DMD: variants seen among roughly 807,000 people sequenced by gnomAD.
The protein encoded by DMD is dystrophin, also known as mutant dystrophin.
Under a neutral mutation model 330.1 loss-of-function variants are expected in DMD, and 63 were observed. The observed-to-expected ratio is 0.19, with a 90% CI of 0.16 to 0.24. The LOEUF (loss-of-function observed/expected upper bound fraction) is 0.24, where lower values mean the gene tolerates loss of function less well. Among genes scored for constraint, DMD ranks in the 10% least tolerant of loss-of-function variants. The pLI is 1.00. For missense variants in DMD, 3,344 were observed against 2,684.1 expected (o/e 1.25, Z -5.43); for synonymous variants, 1,223 against 959.8 (o/e 1.27, Z -5.07).
intron 30 of DMD, among the ~76,000 whole-genome samples, chrX:32,400,199 G>A (rs1007315312): frequency 9.0e-6 from 1 of 111,687 alleles, no homozygotes; most frequent in Admixed American, 9.5e-5. Context: ...GGCTTTTTCT[G>A]CATCTATTGA....
chrX:31,751,033 G>T (rs1257238593), intron 51 of DMD, among the ~76,000 whole-genome samples: 4 of 108,854 alleles, frequency 3.7e-5, no homozygotes, highest in Non-Finnish European at 7.6e-5. Flanking sequence ...CGTGCTCATG[G>T]GTAGGAAGAA....
chrX:32,625,256 A>C (rs1179057684), intron 11 of DMD, among the ~76,000 whole-genome samples: 1 of 112,410 alleles, frequency 8.9e-6, no homozygotes, highest in African/African-American at 3.2e-5. Context: ...TAAATATTCT[A>C]TGTGTGCACT....
intron 55 of DMD, among the ~76,000 whole-genome samples, chrX:31,522,659 T>C (rs1051385118): frequency 8.2e-5 from 9 of 109,296 alleles, no homozygotes; most frequent in Admixed American, 2.0e-4. Context: ...GGATAACATA[T>C]AGGGAGGCAA....
intron 2 of DMD, among the ~76,000 whole-genome samples, chrX:32,986,852 A>G (rs73621848): frequency 0.029 from 3,304 of 112,503 alleles, 119 homozygotes; most frequent in African/African-American, 0.099. Flanking sequence ...AAGTGTGCTC[A>G]TCCCTTTAAG....
chrX:32,190,213 G>A (rs995600263), intron 44 of DMD, among the ~76,000 whole-genome samples: 2 of 110,776 alleles, frequency 1.8e-5, no homozygotes, highest in African/African-American at 6.6e-5. Flanking sequence ...GGCTCAAAAC[G>A]TCAGAGATTG....
rs745938594 is a variant in DMD at position 31,199,895 on chromosome X, G to C, written c.9807+4066C>G. ...CTGAAGGTCCTATACTTCAAACAAAGGGCAGAGGACATTTTCACTCCTGTT... is the reference window on the plus strand; with the variant it reads ...CTGAAGGTCCTATACTTCAAACAAACGGCAGAGGACATTTTCACTCCTGTT... On this transcript the variant is annotated intron_variant, in intron 67 of 78. Coordinates refer to ENST00000357033, the MANE Select transcript of DMD (RefSeq NM_004006.3). Among the ~76,000 whole-genome samples, 6 of 111,780 alleles carry C rather than the reference G, an allele frequency of 5.4e-5. No individual in the cohort carries two copies. In the East Asian group the frequency reaches 1.7e-3, roughly 32 times the overall value.
At chrX:32,811,418 A>T (rs769236807) in intron 6 of DMD, among the ~76,000 whole-genome samples, 1 of 111,703 alleles carries the variant, frequency 9.0e-6, no homozygotes, top group Non-Finnish European at 1.9e-5. Context: ...TATCTGCTTT[A>T]TACTATTCTC....
intron 10 of DMD, among the ~76,000 whole-genome samples, chrX:32,644,549 GATTT>G (rs771046277): frequency 9.1e-6 from 1 of 110,110 alleles, no homozygotes; most frequent in East Asian, 2.9e-4. Flanking sequence ...CAGTGCAAGT[GATTT>G]ATTAAGGAAG....
At chrX:32,508,463 TACA>T (rs1369941166) in intron 18 of DMD, among the ~76,000 whole-genome samples, 3 of 111,446 alleles carry the variant, frequency 2.7e-5, no homozygotes, top group Admixed American at 9.5e-5. Context: ...AAGAAGATAC[TACA>T]ACAAAAGGGC....
chrX:32,637,975 T>C (rs1745801174), intron 11 of DMD, among the ~76,000 whole-genome samples: 1 of 112,205 alleles, frequency 8.9e-6, no homozygotes, highest in African/African-American at 3.2e-5. Context: ...AAATTTAGCT[T>C]TCCTGTAATT....
chrX:31,282,313 T>C (rs931114423), intron 62 of DMD, among the ~76,000 whole-genome samples: 6 of 111,627 alleles, frequency 5.4e-5, no homozygotes, highest in African/African-American at 2.0e-4. Context: ...TCTTTATAGA[T>C]GAAATATGAT....
chrX:31,421,994 TAC>T lies in DMD; in HGVS notation c.9084+22485_9084+22486del, dbSNP rs199963011. On this transcript the variant is annotated intron_variant, in intron 60 of 78. Coordinates refer to ENST00000357033, the MANE Select transcript of DMD (RefSeq NM_004006.3). ...ATATACACATATATATATGTATATA[TAC>T]ACACACATATATATATATATAAACA... Among the ~76,000 whole-genome samples the T allele has an allele frequency of 2.7e-3, 195 of 72,364 alleles. 4 individuals carry two copies. Among genetic ancestry groups the T allele is most frequent in the African/African-American group, 0.014 (178 of 12,514 alleles). The allele number at this position is 72,364 out of a possible 115,157, so 62.8% of individuals were successfully genotyped here.
rs764726407 is a variant in DMD at position 31,263,341 on chromosome X, G to A, written c.9225-2325C>T. Among the ~76,000 whole-genome samples the A allele has an allele frequency of 6.2e-5, 7 of 112,469 alleles. No individual in the cohort carries two copies. In the Admixed American group the frequency reaches 6.6e-4, roughly 11 times the overall value. On this transcript the variant is annotated intron_variant, in intron 62 of 78. Coordinates refer to ENST00000357033, the MANE Select transcript of DMD (RefSeq NM_004006.3). ...TTTACAGGAGAATCCCACATAGAAT[G>A]AATGAGGGCTTCATGGAGCTCCCCA...
At chrX:31,960,548 C>T (rs1262960539) in intron 45 of DMD, among the ~76,000 whole-genome samples, 1 of 111,205 alleles carries the variant, frequency 9.0e-6, no homozygotes, top group Non-Finnish European at 1.9e-5. Flanking sequence ...TGCCTCTTCT[C>T]ATCCTTTAAG....
chrX:33,301,563 T>C (rs1217957257), intron 1 of DMD, among the ~76,000 whole-genome samples: 3 of 111,876 alleles, frequency 2.7e-5, no homozygotes, highest in Non-Finnish European at 3.8e-5. Flanking sequence ...TAACAAAATA[T>C]CTGAGACAGG....
chrX:31,991,692 C>T (rs1442453131), intron 44 of DMD, among the ~76,000 whole-genome samples: 29 of 103,864 alleles, frequency 2.8e-4, no homozygotes, highest in African/African-American at 1.0e-3. Flanking sequence ...TAAGCCTCAA[C>T]TGATGATTTT....
intron 48 of DMD, among the ~76,000 whole-genome samples, chrX:31,854,996 T>C (rs1315277014): frequency 1.8e-5 from 2 of 112,023 alleles, no homozygotes; most frequent in Admixed American, 9.5e-5. Flanking sequence ...AAGCATTCTA[T>C]TATTGAATAC....
chrX:33,128,130 C>T (rs774835225), intron 1 of DMD: 3 of 1,205,241 alleles, frequency 2.5e-6, no homozygotes, highest in Non-Finnish European at 3.4e-6. Flanking sequence ...TTGCATTTAT[C>T]TGCAGCTTTT....
rs189763228 is a variant in DMD at position 31,714,045 on chromosome X, T to C, written c.7660+15586A>G. 1.2e-4 allele frequency among the ~76,000 whole-genome samples: 13 copies of C among 111,917 alleles called. No individual in the cohort carries two copies. In the Admixed American group the frequency reaches 1.2e-3, roughly 11 times the overall value. On this transcript the variant is annotated intron_variant, in intron 52 of 78. Coordinates refer to ENST00000357033, the MANE Select transcript of DMD (RefSeq NM_004006.3). ...ACTAAATATTTGCAGACTTACACAT[T>C]TATAAAAAAAAGTCATCAGTCTCAT...
Sources: gnomAD v4.1 joint callset for allele counts (sites outside exome capture counted in the v4.1 genomes callset) on GRCh38, gnomAD v4.1.1 for gene constraint, MANE v1.5 for transcripts, NCBI Gene and HGNC (gene_info 2026-07-23, HGNC 2026-07-21) for gene names.